Variants in LDAH observed in about 807,000 individuals in gnomAD.
The protein encoded by LDAH is lipid droplet associated hydrolase.
A neutral mutation model predicts 29.6 loss-of-function variants in LDAH; 26 were observed. The ratio of observed to expected loss-of-function variants is 0.88; its 90% CI spans 0.64 to 1.22. LDAH has a LOEUF of 1.22. Ranked by LOEUF, LDAH falls within the 50% of genes most tolerant of loss-of-function variation. The pLI is 0.00. For synonymous variants in LDAH, 117 were observed against 133.0 expected (o/e 0.88, Z 0.83); for missense variants, 344 against 387.3 (o/e 0.89, Z 0.94).
At chr2:20,805,717 G>A (rs115785032) in intron 1 of LDAH, among the ~76,000 whole-genome samples, 42 of 152,150 alleles carry the variant, frequency 2.8e-4, no homozygotes, top group African/African-American at 8.9e-4. Context: ...ATTTTATTTA[G>A]TAAGAGGGTT....
intron 6 of LDAH, among the ~76,000 whole-genome samples, chr2:20,692,006 T>A (rs1047517294): frequency 6.6e-6 from 1 of 152,190 alleles, no homozygotes; most frequent in African/African-American, 2.4e-5. Flanking sequence ...TCTGTGTGTT[T>A]TTTTTTCCCC....
chr2:20,722,511 T>C (rs1428131021), intron 5 of LDAH, among the ~76,000 whole-genome samples: 2 of 151,568 alleles, frequency 1.3e-5, no homozygotes, highest in Non-Finnish European at 2.9e-5. Context: ...CAGAATCAGA[T>C]ATAAGAAATA....
rs184455301 is a variant in LDAH at position 20,770,302 on chromosome 2, T to C, written c.468+4508A>G. On this transcript the variant is annotated intron_variant, in intron 4 of 6. Transcript: ENST00000237822. ...AGACAAAGGAAACTCTGTGTTATTA[T>C]GCACAGAAGGCCAAATAATATAAAA... Among the ~76,000 whole-genome samples, 3 of 152,298 alleles carry C rather than the reference T, an allele frequency of 2.0e-5. 1 individual carries two copies. The highest frequency in any genetic ancestry group is 2.0e-4 in the Admixed American group (3 of 15,300).
At chr2:20,801,934 GTGTGTGTGTGTGTGTGTGTGTGTA>G (rs1275584139) in intron 1 of LDAH, among the ~76,000 whole-genome samples, 1 of 141,748 alleles carries the variant, frequency 7.1e-6, no homozygotes, top group East Asian at 2.0e-4. Flanking sequence ...AATTCTATGT[GTGTGTGTGTGTGTGTGTGTGTGTA>G]TGTGTGTGTG....
chr2:20,718,498 A>C (rs961644677), intron 5 of LDAH, among the ~76,000 whole-genome samples: 1 of 152,220 alleles, frequency 6.6e-6, no homozygotes, highest in African/African-American at 2.4e-5. Flanking sequence ...CTAACACCAG[A>C]ACACCCAAAT....
chr2:20,709,006 C>T (rs1664507901), intron 5 of LDAH, among the ~76,000 whole-genome samples: 1 of 152,076 alleles, frequency 6.6e-6, no homozygotes, highest in African/African-American at 2.4e-5. Context: ...AGGATTGCAA[C>T]AGACATTTCT....
At chr2:20,813,616 G>A (rs1221016702) in intron 1 of LDAH, among the ~76,000 whole-genome samples, 1 of 152,150 alleles carries the variant, frequency 6.6e-6, no homozygotes, top group African/African-American at 2.4e-5. Context: ...AGATTGCCAA[G>A]TGTGAAATTA....
At chr2:20,729,463 T>C (rs1558419621) in intron 5 of LDAH, among the ~76,000 whole-genome samples, 2 of 152,202 alleles carry the variant, frequency 1.3e-5, no homozygotes, top group Admixed American at 6.5e-5. Context: ...GATTTGAGTT[T>C]AGAAAATATT....
intron 2 of LDAH, among the ~76,000 whole-genome samples, chr2:20,793,656 T>C (rs1011389559): frequency 2.6e-5 from 4 of 152,102 alleles, no homozygotes; most frequent in African/African-American, 7.2e-5. Context: ...TTAAAAGAGA[T>C]TGAGCAGGGT....
chr2:20,779,338 T>C (rs1041065591), intron 3 of LDAH, among the ~76,000 whole-genome samples: 1 of 151,416 alleles, frequency 6.6e-6, no homozygotes, highest in African/African-American at 2.4e-5. Context: ...CAACACATAC[T>C]AGGGCTGTTG....
intron 3 of LDAH, chr2:20,789,359 G>A (rs1394738173): frequency 5.0e-5 from 75 of 1,506,018 alleles, no homozygotes; most frequent in Non-Finnish European, 6.6e-5. Context: ...CGGGAAGTAG[G>A]TTTTCATCAG....
At chr2:20,726,836 G>A (rs1045371078) in intron 5 of LDAH, among the ~76,000 whole-genome samples, 2 of 152,168 alleles carry the variant, frequency 1.3e-5, no homozygotes, top group South Asian at 4.1e-4. Context: ...AACTGGAGGT[G>A]TTGTATGATT....
At chr2:20,717,760 CAA>C (rs1427132509) in intron 5 of LDAH, among the ~76,000 whole-genome samples, 5 of 151,988 alleles carry the variant, frequency 3.3e-5, no homozygotes, top group African/African-American at 4.8e-5. Flanking sequence ...TTTTTGTGAT[CAA>C]AGTTAGGTTG....
chr2:20,687,959 G>A (rs1662688734), intron 6 of LDAH, among the ~76,000 whole-genome samples: 1 of 152,246 alleles, frequency 6.6e-6, no homozygotes, highest in African/African-American at 2.4e-5. Flanking sequence ...ACAGAGCTAT[G>A]CCTAGCTCCA....
chr2:20,782,631 T>C (rs601325), intron 3 of LDAH, among the ~76,000 whole-genome samples: 21,899 of 152,168 alleles, frequency 0.14, 1,896 homozygotes, highest in African/African-American at 0.23. Context: ...GTTAAGTTTA[T>C]TGTCCTTTTA....
chr2:20,685,436 C>A lies in LDAH; in HGVS notation c.*1467G>T. On this transcript the variant is annotated 3_prime_UTR_variant, in exon 7 of 7. Transcript: ENST00000237822. The stretch of plus-strand genomic sequence containing the variant: ...ACGGCCTATGTATCTATTAGCTCTT[C>A]CCCTTGGGCTAACAGCACTCCTTGT... The A allele has an allele frequency of 7.3e-7, 1 of 1,374,812 alleles. No individual in the cohort carries two copies. The allele number at this position is 1,374,812 out of a possible 1,614,324, so 85.2% of individuals were successfully genotyped here. A position where few individuals can be genotyped will look rare whatever the true frequency, so the allele number is the denominator to read the frequency against.
Position 20,699,229 on chromosome 2 carries a change from G to C in LDAH, c.786+2341C>G, listed in dbSNP as rs974932908. Among the ~76,000 whole-genome samples the C allele has an allele frequency of 9.9e-5, 15 of 152,126 alleles. 1 individual carries two copies. The highest frequency in any genetic ancestry group is 3.6e-4 in the African/African-American group (15 of 41,430). On this transcript the variant is annotated intron_variant, in intron 6 of 6. Transcript: ENST00000237822. ...AGTTCTGAAGTTTCTGAACGCCTTT[G>C]TTTGGGTGGAAATGGGAAAGAGTAT...
intron 3 of LDAH, among the ~76,000 whole-genome samples, chr2:20,782,472 G>T (rs925352619): frequency 1.3e-5 from 2 of 152,128 alleles, no homozygotes; most frequent in Admixed American, 6.6e-5. Flanking sequence ...GTCCCTCAAG[G>T]ATATTGACCT....
At chr2:20,756,987 G>T (rs985376857) in intron 4 of LDAH, among the ~76,000 whole-genome samples, 4 of 152,216 alleles carry the variant, frequency 2.6e-5, no homozygotes, top group Non-Finnish European at 5.9e-5. Context: ...CTCAGCACCA[G>T]CTGCTAATGG....
Sources: allele counts gnomAD v4.1 joint callset (sites outside exome capture counted in the v4.1 genomes callset), GRCh38; gene constraint gnomAD v4.1.1; transcripts MANE v1.5; gene names NCBI Gene and HGNC (gene_info 2026-07-23, HGNC 2026-07-21).